The following KAZN variants were observed in gnomAD, a reference collection of about 807,000 sequenced individuals.
KAZN encodes the protein kazrin.
A neutral mutation model predicts 87.4 loss-of-function variants in KAZN; 40 were observed. That is an observed-to-expected ratio of 0.46 (90% CI 0.36 to 0.60). The LOEUF (loss-of-function observed/expected upper bound fraction) is 0.60. Ranked by LOEUF, KAZN falls within the 20% of genes least tolerant of loss-of-function variation. The pLI, the probability that KAZN is intolerant of heterozygous loss-of-function variation, is 0.00. For synonymous variants in KAZN, 466 were observed against 458.3 expected, an observed-to-expected ratio of 1.02 and a Z score of -0.22; for missense variants, 898 against 1,073.9, an observed-to-expected ratio of 0.84 and a Z score of 2.29.
chr1:14,173,652 T>TTCCCC (rs1646004006), intron 1 of KAZN, among the ~76,000 whole-genome samples: 5 of 147,470 alleles, frequency 3.4e-5, no homozygotes, highest in Admixed American at 6.9e-5. Context: ...GGCTTTGTAG[T>TTCCCC]TCCCCTCCCC....
chr1:14,324,141 C>CCA (rs535240188), intron 2 of KAZN, among the ~76,000 whole-genome samples: 211 of 152,260 alleles, frequency 1.4e-3, no homozygotes, highest in African/African-American at 4.9e-3. Context: ...CCCACTGTAA[C>CCA]CACAGGTGAC....
intron 1 of KAZN, among the ~76,000 whole-genome samples, chr1:13,974,990 C>T (rs1262371664): frequency 6.6e-6 from 1 of 152,104 alleles, no homozygotes; most frequent in Non-Finnish European, 1.5e-5. Flanking sequence ...CTTTTCTTAT[C>T]CTAATTATGT....
intron 1 of KAZN, among the ~76,000 whole-genome samples, chr1:14,816,735 G>C (rs1646577755): frequency 6.6e-6 from 1 of 152,062 alleles, no homozygotes; most frequent in South Asian, 2.1e-4. Flanking sequence ...TATCTAGATA[G>C]ATAAATATAG....
chr1:14,434,543 A>G (rs1402566725), intron 2 of KAZN, among the ~76,000 whole-genome samples: 2 of 152,204 alleles, frequency 1.3e-5, no homozygotes, highest in Non-Finnish European at 2.9e-5. Context: ...TGTGGAGTCA[A>G]TTAGACGATG....
chr1:14,817,139 CACTGATGTGG>C (rs1023645730), intron 1 of KAZN, among the ~76,000 whole-genome samples: 4 of 152,180 alleles, frequency 2.6e-5, no homozygotes, highest in African/African-American at 9.7e-5. Context: ...ATTACCTGCA[CACTGATGTGG>C]ACTGTTGAGG....
intron 2 of KAZN, among the ~76,000 whole-genome samples, chr1:14,509,114 C>T (rs1352102149): frequency 6.6e-6 from 1 of 152,228 alleles, no homozygotes. Flanking sequence ...TTTAAACAGT[C>T]TCTGAAGCAC....
intron 2 of KAZN, among the ~76,000 whole-genome samples, chr1:14,435,264 G>T (rs1015469767): frequency 6.6e-6 from 1 of 152,120 alleles, no homozygotes; most frequent in African/African-American, 2.4e-5. Context: ...CCTCCCAGCT[G>T]ACAGGTGCAC....
chr1:14,020,652 G>A (rs191073830), intron 1 of KAZN, among the ~76,000 whole-genome samples: 157 of 152,330 alleles, frequency 1.0e-3, no homozygotes, highest in African/African-American at 3.4e-3. Context: ...GACGATCTGG[G>A]AAAGACAAGA....
intron 2 of KAZN, among the ~76,000 whole-genome samples, chr1:14,980,376 G>T (rs1009575402): frequency 6.6e-6 from 1 of 152,200 alleles, no homozygotes; most frequent in African/African-American, 2.4e-5. Context: ...GCCTTGCCCA[G>T]TGCTCAGGAT....
intron 1 of KAZN, among the ~76,000 whole-genome samples, chr1:14,795,638 A>T (rs1275366074): frequency 6.6e-6 from 1 of 151,590 alleles, no homozygotes; most frequent in Non-Finnish European, 1.5e-5. Context: ...CCTCGCTCCC[A>T]CCTACTGCCC....
At chr1:14,656,031 C>T (rs916498827) in intron 1 of KAZN, among the ~76,000 whole-genome samples, 5 of 152,188 alleles carry the variant, frequency 3.3e-5, no homozygotes, top group Admixed American at 2.0e-4. Context: ...AACCTTCATT[C>T]AACCCACACT....
intron 2 of KAZN, among the ~76,000 whole-genome samples, chr1:14,233,581 A>G (rs1648074457): frequency 6.6e-6 from 1 of 152,192 alleles, no homozygotes; most frequent in African/African-American, 2.4e-5. Flanking sequence ...GAAAGCCAAA[A>G]TCAGCTGACT....
At chr1:14,771,523 G>A (rs1645018285) in intron 1 of KAZN, among the ~76,000 whole-genome samples, 2 of 151,904 alleles carry the variant, frequency 1.3e-5, no homozygotes, top group Admixed American at 1.3e-4. Flanking sequence ...CTTTTGGTTG[G>A]GGAACAAGAG....
In KAZN at chr1:14,149,904, T is replaced by C. The variant is rs147536606; in HGVS notation, c.92-30531T>C. On this transcript the variant is annotated intron_variant, in intron 1 of 16. Coordinates refer to the KAZN transcript ENST00000636203. ...CACAGACTCAACAGAGGAAAACCGA[T>C]CTCTCTAATGATGAAAATATTATAT... is the stretch of plus-strand genomic sequence containing the variant. Among the ~76,000 whole-genome samples the C allele has an allele frequency of 3.3e-3, 496 of 152,322 alleles. 7 individuals carry two copies. Among genetic ancestry groups the C allele is most frequent in the African/African-American group, 0.011 (471 of 41,574 alleles).
In KAZN at chr1:14,847,262, C is replaced by T. The variant is rs566075429; in HGVS notation, c.227-113422C>T. 1.6e-4 allele frequency among the ~76,000 whole-genome samples: 24 copies of T among 152,278 alleles called. No homozygotes were observed. In the East Asian group the frequency reaches 2.3e-3, roughly 15 times the overall value. ...TCTGCCTGGGCCCGCCAAGGGCTTC[C>T]GAAGTTGTCGTTATCAATCAAAGTA... On this transcript the variant is annotated intron_variant, in intron 1 of 14. Transcript: ENST00000376030.
chr1:14,327,478 C>A (rs1656522083), intron 2 of KAZN, among the ~76,000 whole-genome samples: 1 of 152,218 alleles, frequency 6.6e-6, no homozygotes, highest in African/African-American at 2.4e-5. Context: ...CAGTCTCTCC[C>A]TCGTCTGTTC....
At chr1:14,385,912 G>C (rs1330055279) in intron 2 of KAZN, among the ~76,000 whole-genome samples, 2 of 147,686 alleles carry the variant, frequency 1.4e-5, no homozygotes, top group African/African-American at 5.0e-5. Context: ...TGACAGTGGG[G>C]TGTTAAAATC....
chr1:15,044,270 G>GGGGGGGCCC, intron 4 of KAZN, 111 bp downstream of exon 4: 2 of 413,324 alleles, frequency 4.8e-6, no homozygotes, highest in Non-Finnish European at 8.4e-6. Context: ...GGTGGGTGGG[G>GGGGGGGCCC]CAGAGCAGAA....
At chr1:14,037,958 G>A (rs2101375733) in intron 1 of KAZN, among the ~76,000 whole-genome samples, 2 of 152,286 alleles carry the variant, frequency 1.3e-5, no homozygotes, top group Admixed American at 1.3e-4. Context: ...TTTAGGGGGT[G>A]AGAGGCTGGC....
Sources: allele counts gnomAD v4.1 joint callset (sites outside exome capture counted in the v4.1 genomes callset), GRCh38; gene constraint gnomAD v4.1.1; transcripts MANE v1.5; gene names NCBI Gene and HGNC (gene_info 2026-07-23, HGNC 2026-07-21).